Variants in VRK2 observed in about 807,000 individuals in gnomAD.
VRK2 encodes the protein serine/threonine-protein kinase VRK2.
A neutral mutation model predicts 57.6 loss-of-function variants in VRK2; 60 were observed. The observed-to-expected ratio is 1.04, with a 90% CI of 0.85 to 1.29. The LOEUF is 1.29. Ranked by LOEUF, VRK2 falls within the 50% of genes most tolerant of loss-of-function variation. The pLI, the probability that VRK2 is intolerant of heterozygous loss-of-function variation, is 0.00. For synonymous variants in VRK2, 231 were observed against 199.2 expected, an observed-to-expected ratio of 1.16 and a Z score of -1.35; for missense variants, 705 against 588.1, an observed-to-expected ratio of 1.20 and a Z score of -2.06.
chr2:58,024,409 G>A (rs1673861256), intron 1 of VRK2, among the ~76,000 whole-genome samples: 1 of 151,980 alleles, frequency 6.6e-6, no homozygotes, highest in Admixed American at 6.6e-5. Flanking sequence ...TTTTGGGGGG[G>A]TGCTATTACA....
intron 1 of VRK2, among the ~76,000 whole-genome samples, chr2:57,965,598 C>G (rs543307583): frequency 6.6e-6 from 1 of 152,258 alleles, no homozygotes; most frequent in Admixed American, 6.5e-5. Context: ...GGAGCTTTCC[C>G]TACTTAGTGA....
chr2:57,999,407 A>G (rs1673020988), intron 1 of VRK2, among the ~76,000 whole-genome samples: 1 of 152,170 alleles, frequency 6.6e-6, no homozygotes, highest in African/African-American at 2.4e-5. Flanking sequence ...GTATGCACGT[A>G]ATGTTAACTT....
In VRK2 at chr2:58,066,776, C is replaced by G. The variant is rs962193918; in HGVS notation, c.137-17313C>G. On this transcript the variant is annotated intron_variant, in intron 2 of 12. Transcript: ENST00000340157. ...TCTTTAGTGGTTATTTAGGACTAATCTGGTTATTTGTTTTAGGTAACTTAG... is the reference window on the plus strand; with the variant it reads ...TCTTTAGTGGTTATTTAGGACTAATGTGGTTATTTGTTTTAGGTAACTTAG... Among the ~76,000 whole-genome samples the G allele has an allele frequency of 2.0e-5, 3 of 152,076 alleles. No homozygotes were observed. In the South Asian group the frequency reaches 6.2e-4, roughly 32 times the overall value.
intron 1 of VRK2, among the ~76,000 whole-genome samples, chr2:57,957,378 G>A (rs1671618681): frequency 6.6e-6 from 1 of 151,974 alleles, no homozygotes; most frequent in Non-Finnish European, 1.5e-5. Flanking sequence ...CAGTGATAGT[G>A]AAGGATTTGC....
At chr2:57,918,984 T>G (rs1670246246) in intron 1 of VRK2, among the ~76,000 whole-genome samples, 1 of 152,148 alleles carries the variant, frequency 6.6e-6, no homozygotes, top group African/African-American at 2.4e-5. Flanking sequence ...AAGTTGAATG[T>G]GGGCTGTAAG....
At chr2:58,124,460 T>A (rs1678005145) in intron 8 of VRK2, among the ~76,000 whole-genome samples, 1 of 152,250 alleles carries the variant, frequency 6.6e-6, no homozygotes, top group Non-Finnish European at 1.5e-5. Flanking sequence ...AAACTTTGTT[T>A]ATAAAAGTAT....
At chr2:58,065,838 A>G (rs1444753010) in intron 2 of VRK2, among the ~76,000 whole-genome samples, 1 of 152,088 alleles carries the variant, frequency 6.6e-6, no homozygotes, top group Non-Finnish European at 1.5e-5. Context: ...TTGGGTATAT[A>G]TTGATATATA....
At chr2:58,081,853 T>C (rs1338199369) in intron 2 of VRK2, among the ~76,000 whole-genome samples, 1 of 119,984 alleles carries the variant, frequency 8.3e-6, no homozygotes, top group Non-Finnish European at 1.7e-5. Context: ...GCATATACCA[T>C]GTCCGTGTGT....
chr2:58,137,133 C>CATATATATATCATGTGTTTAT (rs1363060523), intron 10 of VRK2, among the ~76,000 whole-genome samples: 2 of 19,892 alleles, frequency 1.0e-4, no homozygotes, highest in African/African-American at 2.4e-4. Flanking sequence ...GTGTATATAT[C>CATATATATATCATGTGTTTAT]ATATATCATA....
At position 58,123,088 on chromosome 2, in the gene VRK2, G is replaced by A. The variant is rs1391880464; in HGVS notation, c.544-13G>A. 6.3e-7 allele frequency: 1 copy of A among 1,595,066 alleles called. No homozygotes were observed. The highest frequency in any genetic ancestry group is 8.5e-7 in the Non-Finnish European group (1 of 1,174,790). On this transcript the variant is annotated splice_polypyrimidine_tract_variant and intron_variant, in intron 7 of 12. Coordinates refer to ENST00000340157, the MANE Select transcript of VRK2 (RefSeq NM_006296.7). ...ACAAAGGCATTATTCATTTGTCTGT[G>A]CTTGTCTTCCAGGTTTATCTTGCAG...
At chr2:58,074,822 C>T (rs1382194997) in intron 2 of VRK2, among the ~76,000 whole-genome samples, 1 of 151,970 alleles carries the variant, frequency 6.6e-6, no homozygotes, top group Admixed American at 6.6e-5. Context: ...TGTTGATGTG[C>T]TGGTAAGGTG....
At chr2:58,105,631 C>T (rs1425910888) in intron 7 of VRK2, among the ~76,000 whole-genome samples, 3 of 151,466 alleles carry the variant, frequency 2.0e-5, no homozygotes, top group Admixed American at 1.3e-4. Context: ...CAAACTGTTA[C>T]ATATAGGCTT....
intron 7 of VRK2, among the ~76,000 whole-genome samples, chr2:58,100,558 C>G (rs567385716): frequency 6.6e-6 from 1 of 151,766 alleles, no homozygotes; most frequent in Admixed American, 6.6e-5. Flanking sequence ...TTCAGATAAG[C>G]AAAGAGACTT....
chr2:57,959,659 G>A (rs1461373650), intron 1 of VRK2, among the ~76,000 whole-genome samples: 1 of 152,130 alleles, frequency 6.6e-6, no homozygotes, highest in Non-Finnish European at 1.5e-5. Context: ...GTGCCAGTTT[G>A]TTCCTCTTCA....
intron 1 of VRK2, among the ~76,000 whole-genome samples, chr2:57,973,077 G>C (rs1272196482): frequency 2.0e-5 from 3 of 151,850 alleles, no homozygotes; most frequent in African/African-American, 4.8e-5. Context: ...ATGCTTATGA[G>C]TTTTGTTAGA....
intron 7 of VRK2, among the ~76,000 whole-genome samples, chr2:58,090,311 G>C (rs763432526): frequency 2.7e-5 from 4 of 148,636 alleles, no homozygotes; most frequent in Non-Finnish European, 6.0e-5. Flanking sequence ...CAGGAGAATT[G>C]CTTGAACCCA....
chr2:57,999,432 A>G (rs1282526510), intron 1 of VRK2, among the ~76,000 whole-genome samples: 2 of 152,198 alleles, frequency 1.3e-5, no homozygotes, highest in African/African-American at 2.4e-5. Context: ...AGAAATGGGA[A>G]AAAGTCTCAC....
At chr2:58,099,377 C>T (rs962034742) in intron 7 of VRK2, among the ~76,000 whole-genome samples, 9 of 152,058 alleles carry the variant, frequency 5.9e-5, no homozygotes, top group Non-Finnish European at 1.2e-4. Flanking sequence ...CCTGTGAGTG[C>T]TCAGGTCTCA....
Position 58,077,308 on chromosome 2 carries a change from C to T in VRK2, c.137-6781C>T, listed in dbSNP as rs531891536. On this transcript the variant is annotated intron_variant, in intron 2 of 12. Coordinates refer to ENST00000340157, the MANE Select transcript of VRK2 (RefSeq NM_006296.7). Reference sequence around the variant, plus strand: ...TATCAGTTCATTGAATCATGATTTCCTCCACACAAGTCCTCGGATTCTTAA... The same window carrying T: ...TATCAGTTCATTGAATCATGATTTCTTCCACACAAGTCCTCGGATTCTTAA... Among the ~76,000 whole-genome samples the T allele has an allele frequency of 9.2e-5, 14 of 152,054 alleles. No homozygotes were observed. In the South Asian group the frequency reaches 2.9e-3, roughly 32 times the overall value.
Sources: allele counts gnomAD v4.1 joint callset (sites outside exome capture counted in the v4.1 genomes callset), GRCh38; gene constraint gnomAD v4.1.1; transcripts MANE v1.5; gene names NCBI Gene and HGNC (gene_info 2026-07-23, HGNC 2026-07-21).